STK39: variants seen among roughly 807,000 people sequenced by gnomAD.
The protein encoded by STK39 is STE20/SPS1-related proline-alanine-rich protein kinase.
A neutral mutation model predicts 77.8 loss-of-function variants in STK39; 20 were observed. The ratio of observed to expected loss-of-function variants is 0.26; its 90% CI spans 0.18 to 0.37. STK39 has a LOEUF of 0.37. Among genes scored for constraint, STK39 ranks in the 10% least tolerant of loss-of-function variants. The pLI is 1.00. For missense variants in STK39, 479 were observed against 656.5 expected, an observed-to-expected ratio of 0.73 and a Z score of 2.95; for synonymous variants, 246 against 234.1, an observed-to-expected ratio of 1.05 and a Z score of -0.47.
chr2:168,141,032 A>G (rs1036814318), intron 5 of STK39, among the ~76,000 whole-genome samples: 1 of 152,198 alleles, frequency 6.6e-6, no homozygotes, highest in Non-Finnish European at 1.5e-5. Flanking sequence ...CTTTTAGCTG[A>G]GGTATATAAA....
At chr2:168,187,667 T>C (rs1259237007) in intron 1 of STK39, among the ~76,000 whole-genome samples, 15 of 152,264 alleles carry the variant, frequency 9.9e-5, no homozygotes, top group Admixed American at 9.8e-4. Context: ...GTCATTTTAA[T>C]ACCACGTAAT....
chr2:167,970,583 C>T lies in STK39; in HGVS notation c.1499-5857G>A, dbSNP rs538699194. On this transcript the variant is annotated intron_variant, in intron 16 of 17. Transcript: ENST00000355999. Reference sequence around the variant, plus strand: ...TTGGAAAGTTTCTACAAACGTTTGTCTCCTAAGCAATAATCCTATTCGTTT... The same window carrying T: ...TTGGAAAGTTTCTACAAACGTTTGTTTCCTAAGCAATAATCCTATTCGTTT... Among the ~76,000 whole-genome samples, 7 of 152,346 alleles carry T rather than the reference C, an allele frequency of 4.6e-5. No homozygotes were observed. In the South Asian group the frequency reaches 1.5e-3, roughly 32 times the overall value.
At chr2:168,070,929 T>C (rs1363458754) in intron 12 of STK39, among the ~76,000 whole-genome samples, 1 of 152,226 alleles carries the variant, frequency 6.6e-6, no homozygotes, top group East Asian at 1.9e-4. Context: ...GGAAATTCTC[T>C]TGGACTTAGG....
At chr2:168,070,267 TGG>T in intron 12 of STK39, among the ~76,000 whole-genome samples, 1 of 152,230 alleles carries the variant, frequency 6.6e-6, no homozygotes, top group East Asian at 1.9e-4. Flanking sequence ...CAGTTCCAAG[TGG>T]AAATCAGGCA....
intron 6 of STK39, 113 bp downstream of exon 6, chr2:168,140,536 T>C: frequency 1.7e-6 from 2 of 1,143,768 alleles, no homozygotes; most frequent in Admixed American, 4.1e-5. Flanking sequence ...AATTAAATCT[T>C]AGTTACATTA....
chr2:168,136,261 C>T (rs554648848), intron 8 of STK39, among the ~76,000 whole-genome samples: 2 of 149,060 alleles, frequency 1.3e-5, no homozygotes, highest in South Asian at 4.2e-4. Context: ...CCCAACTACT[C>T]GGGAGAGTGA....
chr2:168,016,945 C>A (rs1297150483), intron 15 of STK39, 98 bp downstream of exon 15: 1 of 944,040 alleles, frequency 1.1e-6, no homozygotes, highest in Admixed American at 2.5e-5. Context: ...CACTATTAAA[C>A]AAAGCAGTTT....
intron 10 of STK39, among the ~76,000 whole-genome samples, chr2:168,083,675 A>T (rs56895203): frequency 2.6e-5 from 4 of 152,212 alleles, no homozygotes; most frequent in African/African-American, 9.6e-5. Flanking sequence ...AACTTAGCAC[A>T]TTCTACTGAC....
intron 1 of STK39, among the ~76,000 whole-genome samples, chr2:168,246,102 G>GA (rs1690893006): frequency 6.6e-6 from 1 of 151,978 alleles, no homozygotes; most frequent in African/African-American, 2.4e-5. Context: ...GTGAAAGTTA[G>GA]AAAAAATACT....
At chr2:168,027,809 G>C (rs1277976323) in intron 14 of STK39, among the ~76,000 whole-genome samples, 2 of 152,150 alleles carry the variant, frequency 1.3e-5, no homozygotes, top group African/African-American at 4.8e-5. Context: ...TTTTAGGTTT[G>C]CGGCCTGCAG....
At chr2:168,195,954 T>A (rs149704938) in intron 1 of STK39, among the ~76,000 whole-genome samples, 1 of 152,054 alleles carries the variant, frequency 6.6e-6, no homozygotes, top group Non-Finnish European at 1.5e-5. Context: ...GAGGTGGAGA[T>A]TGCAGTGGGC....
chr2:168,204,360 C>T (rs1689688286), intron 1 of STK39, among the ~76,000 whole-genome samples: 1 of 152,184 alleles, frequency 6.6e-6, no homozygotes, highest in African/African-American at 2.4e-5. Context: ...CATCCTCCAC[C>T]AACCATTGCC....
At chr2:168,219,216 G>A (rs1416187106) in intron 1 of STK39, among the ~76,000 whole-genome samples, 3 of 151,918 alleles carry the variant, frequency 2.0e-5, no homozygotes, top group East Asian at 3.9e-4. Context: ...AACTCAGGAG[G>A]TGGAGGTTGC....
intron 14 of STK39, among the ~76,000 whole-genome samples, chr2:168,024,921 C>T (rs1477248082): frequency 6.6e-6 from 1 of 152,178 alleles, no homozygotes; most frequent in East Asian, 1.9e-4. Context: ...AAAAATGTTA[C>T]CCATTATCTT....
chr2:167,988,679 C>G (rs936349664), intron 16 of STK39, among the ~76,000 whole-genome samples: 10 of 151,956 alleles, frequency 6.6e-5, no homozygotes, highest in Non-Finnish European at 1.5e-5. Context: ...TTTCTGGAAT[C>G]AAAGGTGGTG....
In STK39 at chr2:167,996,502, T is replaced by C. The variant is rs1229210397; in HGVS notation, c.1498+16132A>G. Among the ~76,000 whole-genome samples, 5 of 152,206 alleles carry C rather than the reference T, an allele frequency of 3.3e-5. No homozygotes were observed. The South Asian group carries it at 8.3e-4, about 25-fold the overall frequency. ...TGAAGGAGGATGCACTAATGTGTCA[T>C]CTCTCATAGCTTAGCGTCCAGCCCG... On this transcript the variant is annotated intron_variant, in intron 16 of 17. Coordinates refer to ENST00000355999, the MANE Select transcript of STK39 (RefSeq NM_013233.3).
intron 1 of STK39, among the ~76,000 whole-genome samples, chr2:168,186,248 C>T (rs1689204602): frequency 6.6e-6 from 1 of 152,180 alleles, no homozygotes; most frequent in South Asian, 2.1e-4. Flanking sequence ...CCACCAGAAA[C>T]TGAAGTGGTC....
At chr2:168,187,607 C>T (rs1421041534) in intron 1 of STK39, among the ~76,000 whole-genome samples, 2 of 152,170 alleles carry the variant, frequency 1.3e-5, no homozygotes, top group East Asian at 3.9e-4. Flanking sequence ...TCTTAGCTAG[C>T]GTTGCTCCTT....
intron 14 of STK39, among the ~76,000 whole-genome samples, chr2:168,035,871 C>A (rs1001915326): frequency 6.6e-6 from 1 of 152,132 alleles, no homozygotes; most frequent in Admixed American, 6.5e-5. Context: ...TCACACCCTG[C>A]CACTCTCCTT....
Sources: allele counts gnomAD v4.1 joint callset (sites outside exome capture counted in the v4.1 genomes callset), GRCh38; gene constraint gnomAD v4.1.1; transcripts MANE v1.5; gene names NCBI Gene and HGNC (gene_info 2026-07-23, HGNC 2026-07-21).